Variants in WWOX observed in about 807,000 individuals in gnomAD.
WWOX encodes WW domain containing oxidoreductase, also known as WW domain-containing oxidoreductase.
Under a neutral mutation model 46.2 loss-of-function variants are expected in WWOX, and 69 were observed. That is an observed-to-expected ratio of 1.49 (90% confidence interval 1.23 to 1.82). The LOEUF is 1.82. Ranked by LOEUF, WWOX falls within the 40% of genes most tolerant of loss-of-function variation. WWOX has a pLI of 0.00. For missense variants in WWOX, 919 were observed against 542.6 expected (o/e 1.69, Z -6.89); for synonymous variants, 359 against 202.6 (o/e 1.77, Z -6.56).
Position 78,796,282 on chromosome 16 carries a change from C to G in WWOX, c.1056+363530C>G, listed in dbSNP as rs577712643. Among the ~76,000 whole-genome samples the G allele has an allele frequency of 1.8e-3, 277 of 152,350 alleles. 2 individuals carry two copies. The highest frequency in any genetic ancestry group is 6.1e-3 in the African/African-American group (252 of 41,588). On this transcript the variant is annotated intron_variant, in intron 8 of 8. Coordinates refer to ENST00000566780, the MANE Select transcript of WWOX (RefSeq NM_016373.4). ...GATTCACTGACCCAGACTTTGACAT[C>G]TTGGGCTCAGCCATACCCTGGAGCC...
At chr16:78,160,337 C>T (rs568141053) in intron 4 of WWOX, among the ~76,000 whole-genome samples, 1 of 152,108 alleles carries the variant, frequency 6.6e-6, no homozygotes, top group Non-Finnish European at 1.5e-5. Context: ...GTTGCCCAGG[C>T]TGGTCTCGAA....
chr16:78,618,457 G>A (rs1005831003), intron 8 of WWOX, among the ~76,000 whole-genome samples: 11 of 152,138 alleles, frequency 7.2e-5, no homozygotes, highest in Admixed American at 3.3e-4. Flanking sequence ...TCTTCCCTCT[G>A]TGTGCGTTTG....
chr16:78,446,817 C>A (rs572120291), intron 8 of WWOX, among the ~76,000 whole-genome samples: 1 of 151,720 alleles, frequency 6.6e-6, no homozygotes, highest in African/African-American at 2.4e-5. Flanking sequence ...TGTGCTACTA[C>A]CCCCGGCAAA....
intron 8 of WWOX, among the ~76,000 whole-genome samples, chr16:79,119,074 T>G (rs1021090257): frequency 1.3e-5 from 2 of 152,210 alleles, no homozygotes; most frequent in African/African-American, 4.8e-5. Flanking sequence ...TTGGGCACAT[T>G]TTTTAAAGGT....
At chr16:78,952,970 C>T (rs62035972) in intron 8 of WWOX, among the ~76,000 whole-genome samples, 3,481 of 151,888 alleles carry the variant, frequency 0.023, 66 homozygotes, top group Middle Eastern at 0.062. Flanking sequence ...AGCAAAACCA[C>T]ACAATGCTCA....
intron 5 of WWOX, among the ~76,000 whole-genome samples, chr16:78,327,060 G>GC (rs2080640443): frequency 6.6e-6 from 1 of 152,098 alleles, no homozygotes; most frequent in Non-Finnish European, 1.5e-5. Flanking sequence ...GCTGGGCACT[G>GC]CCCCCCAGGA....
At chr16:78,527,942 C>A in intron 8 of WWOX, among the ~76,000 whole-genome samples, 1 of 148,710 alleles carries the variant, frequency 6.7e-6, no homozygotes, top group East Asian at 2.0e-4. Context: ...AAGCTCTGTG[C>A]CATTGTGCAA....
intron 8 of WWOX, among the ~76,000 whole-genome samples, chr16:78,768,830 C>G (rs2049990622): frequency 6.6e-6 from 1 of 152,088 alleles, no homozygotes; most frequent in Non-Finnish European, 1.5e-5. Flanking sequence ...GAGGTACTGA[C>G]CCTGAAGGGC....
At chr16:78,142,732 A>C (rs922797928) in intron 4 of WWOX, among the ~76,000 whole-genome samples, 2 of 152,176 alleles carry the variant, frequency 1.3e-5, no homozygotes, top group Non-Finnish European at 2.9e-5. Flanking sequence ...CAGTTTTTCT[A>C]ATTTCTTATT....
At chr16:78,251,987 A>C (rs144487133) in intron 5 of WWOX, among the ~76,000 whole-genome samples, 63 of 152,218 alleles carry the variant, frequency 4.1e-4, no homozygotes, top group African/African-American at 1.5e-3. Flanking sequence ...GATTAGAATG[A>C]AGTCTTCAGA....
intron 5 of WWOX, among the ~76,000 whole-genome samples, chr16:78,327,649 T>TA (rs1316024252): frequency 7.2e-5 from 11 of 152,188 alleles, no homozygotes; most frequent in Admixed American, 5.9e-4. Context: ...TATTTTTATT[T>TA]AAAAATTTTT....
intron 8 of WWOX, among the ~76,000 whole-genome samples, chr16:78,447,586 C>T (rs187200674): frequency 7.0e-4 from 107 of 152,262 alleles, no homozygotes; most frequent in Middle Eastern, 3.4e-3. Flanking sequence ...CCCTTAGACT[C>T]CATTGTTCCA....
chr16:78,720,518 C>T (rs2048664747), intron 8 of WWOX, among the ~76,000 whole-genome samples: 1 of 150,442 alleles, frequency 6.6e-6, no homozygotes, highest in African/African-American at 2.5e-5. Flanking sequence ...ATCCTTAGGA[C>T]CCAGTTACTC....
At chr16:78,453,369 G>A (rs1226270168) in intron 8 of WWOX, among the ~76,000 whole-genome samples, 1 of 151,674 alleles carries the variant, frequency 6.6e-6, no homozygotes, top group African/African-American at 2.4e-5. Context: ...GTGGCAGTGA[G>A]TGGAGATCAC....
intron 5 of WWOX, among the ~76,000 whole-genome samples, chr16:78,272,906 C>A (rs1319097941): frequency 6.6e-6 from 1 of 152,190 alleles, no homozygotes; most frequent in African/African-American, 2.4e-5. Flanking sequence ...ACATCCTTAA[C>A]AGCAGCTATG....
intron 8 of WWOX, among the ~76,000 whole-genome samples, chr16:78,932,695 A>G (rs1055658003): frequency 6.6e-6 from 1 of 152,188 alleles, no homozygotes; most frequent in Non-Finnish European, 1.5e-5. Flanking sequence ...TGGAGTTAAA[A>G]CAGACTATAT....
At chr16:78,977,092 C>T (rs115011225) in intron 8 of WWOX, among the ~76,000 whole-genome samples, 1,710 of 152,308 alleles carry the variant, frequency 0.011, 25 homozygotes, top group African/African-American at 0.038. Flanking sequence ...TTGATGCCTC[C>T]AGGCAATTTC....
At chr16:78,118,140 A>C (rs1185621315) in intron 4 of WWOX, among the ~76,000 whole-genome samples, 2 of 151,626 alleles carry the variant, frequency 1.3e-5, no homozygotes, top group East Asian at 3.9e-4. Context: ...CTCCCTTGAT[A>C]GACTTTAGGG....
At chr16:78,329,576 G>A (rs143008924) in intron 5 of WWOX, among the ~76,000 whole-genome samples, 2 of 152,292 alleles carry the variant, frequency 1.3e-5, no homozygotes, top group Non-Finnish European at 2.9e-5. Flanking sequence ...GAACTTTGTG[G>A]CATCTGGCAA....
Sources: gnomAD v4.1 joint callset for allele counts (sites outside exome capture counted in the v4.1 genomes callset) on GRCh38, gnomAD v4.1.1 for gene constraint, MANE v1.5 for transcripts, NCBI Gene and HGNC (gene_info 2026-07-23, HGNC 2026-07-21) for gene names.